The following CLASRP variants were observed in gnomAD, a reference collection of about 807,000 sequenced individuals.
CLASRP encodes the protein CLK4-associating serine/arginine rich protein.
Under a neutral mutation model 99.9 loss-of-function variants are expected in CLASRP, and 52 were observed. The observed-to-expected ratio is 0.52, with a 90% CI of 0.42 to 0.66. CLASRP has a LOEUF of 0.66. CLASRP is among the 30% of genes least tolerant of loss of function. CLASRP has a pLI of 0.00. For missense variants in CLASRP, 848 were observed against 999.2 expected, an observed-to-expected ratio of 0.85 and a Z score of 2.04; for synonymous variants, 379 against 373.0, an observed-to-expected ratio of 1.02 and a Z score of -0.18.
chr19:45,042,782 A>G (rs1315129200), intron 2 of CLASRP, among the ~76,000 whole-genome samples: 2 of 151,970 alleles, frequency 1.3e-5, no homozygotes, highest in African/African-American at 4.8e-5. Context: ...ATGCCTGGCT[A>G]ATTTTTGCAC....
Position 45,064,358 on chromosome 19 carries a change from C to T in CLASRP, c.1137C>T (p.Ser379=), listed in dbSNP as rs768273425. 30 of 1,532,630 alleles carry T rather than the reference C, an allele frequency of 2.0e-5. No homozygotes were observed. Among genetic ancestry groups the T allele is most frequent in the Non-Finnish European group, 2.5e-5 (29 of 1,144,140 alleles). The allele number at this position is 1,532,630 out of a possible 1,614,324, so 94.9% of individuals were successfully genotyped here. A position where few individuals can be genotyped will look rare whatever the true frequency, so the allele number is the denominator to read the frequency against. Residue 379 remains serine (S), a synonymous_variant, in exon 13 of 21, where the codon TCC becomes TCT. Coordinates refer to ENST00000221455, the MANE Select transcript of CLASRP (RefSeq NM_007056.3). The stretch of plus-strand genomic sequence containing the variant: ...CCGCCTGCAGCCGCCGCTCCTCCTC[C>T]TCCTCCTCCTCCTCTTCTGCCTCGA... The part of the protein sequence containing the change: ...RNASARRRSS[S]SSSSSSASRT...
At position 45,060,412 on chromosome 19, in the gene CLASRP, A is replaced by C. The variant is rs1185516303; in HGVS notation, c.734A>C (p.Glu245Ala). Residue 245 changes from glutamate to alanine, a missense_variant, in exon 9 of 21, where the codon GAG becomes GCG. By Grantham distance (107) the Glu-to-Ala change is moderately radical. Transcript: ENST00000221455. The surrounding 1 kb of genome is among the most constrained non-coding windows in gnomAD (Gnocchi z 4.6). ...AGGATGCTCCGGAAAGACAAGGAGGAGGCAGAGGCCATCAAGCATGCCAAG... is the reference window on the plus strand; with the variant it reads ...AGGATGCTCCGGAAAGACAAGGAGGCGGCAGAGGCCATCAAGCATGCCAAG... The part of the protein sequence containing the change: ...FVRMLRKDKE[E>A]AEAIKHAKAL... 6.2e-7 allele frequency: 1 copy of C among 1,614,088 alleles called. No individual in the cohort carries two copies. Among genetic ancestry groups the C allele is most frequent in the Admixed American group, 1.7e-5 (1 of 60,014 alleles).
chr19:45,058,904 C>T (rs1362281050), intron 7 of CLASRP, among the ~76,000 whole-genome samples: 3 of 151,996 alleles, frequency 2.0e-5, no homozygotes, highest in African/African-American at 7.3e-5. Context: ...CTCCCTCCCT[C>T]CATCCACCCA....
At chr19:45,052,255 G>C (rs1972038374) in intron 3 of CLASRP, 87 bp downstream of exon 3, 1 of 1,133,726 alleles carries the variant, frequency 8.8e-7, no homozygotes, top group African/African-American at 1.5e-5. Flanking sequence ...AGCAGAGACT[G>C]AAGTATGGAC....
At chr19:45,058,553 T>C (rs1398029554) in intron 7 of CLASRP, among the ~76,000 whole-genome samples, 1 of 152,214 alleles carries the variant, frequency 6.6e-6, no homozygotes, top group East Asian at 1.9e-4. Context: ...GCCCAGCTAA[T>C]TTTTGTACTT....
At chr19:45,056,337 C>A (rs994681517) in intron 5 of CLASRP, 113 bp from the exon 6 acceptor site, 12 of 834,946 alleles carry the variant, frequency 1.4e-5, no homozygotes, top group Admixed American at 1.1e-4. Flanking sequence ...GACTGCCCCC[C>A]AAGGTGCACT....
rs901454590 is a variant in CLASRP at position 45,067,394 on chromosome 19, C to T, written c.1467C>T (p.His489=). 1.3e-6 allele frequency: 2 copies of T among 1,534,364 alleles called. No homozygotes were observed. Among genetic ancestry groups the T allele is most frequent in the African/African-American group, 1.4e-5 (1 of 72,902 alleles). ...GGGGCGGCCGGGGCCTCAGGCACCA[C>T]AGCAGTAGCCGCAGCCGCAGCAGCT... is the stretch of plus-strand genomic sequence containing the variant. ...YRRGGRGLRH[H]SSSRSRSSWS... Residue 489 remains histidine, a synonymous_variant, in exon 14 of 21, where the codon CAC becomes CAT. Coordinates refer to ENST00000221455, the MANE Select transcript of CLASRP (RefSeq NM_007056.3). This position sits in a 1 kb window ranked among gnomAD's most constrained non-coding sequence, Gnocchi z 4.9.
chr19:45,068,990 A>C (rs1967166807), intron 16 of CLASRP, 76 bp from the exon 17 acceptor site: 1 of 211,664 alleles, frequency 4.7e-6, no homozygotes, highest in Admixed American at 6.4e-5. Flanking sequence ...ACTCTGTCTC[A>C]AAAAAAAAAA....
chr19:45,052,254 T>TGAAGTATGGACAGACC, intron 3 of CLASRP, 86 bp downstream of exon 3: 1 of 1,139,268 alleles, frequency 8.8e-7, no homozygotes, highest in South Asian at 1.3e-5. Context: ...GAGCAGAGAC[T>TGAAGTATGGACAGACC]GAAGTATGGA....
At chr19:45,046,057 A>G (rs1180014649) in intron 2 of CLASRP, among the ~76,000 whole-genome samples, 1 of 152,154 alleles carries the variant, frequency 6.6e-6, no homozygotes. Flanking sequence ...GGCCTGTACA[A>G]GCGGCCTTTG....
At chr19:45,063,273 C>G (rs904313907) in intron 11 of CLASRP, among the ~76,000 whole-genome samples, 6 of 151,366 alleles carry the variant, frequency 4.0e-5, no homozygotes, top group Non-Finnish European at 8.8e-5. Flanking sequence ...TTCCAAAGTG[C>G]TGGGATTACA....
chr19:45,069,960 G>C, intron 18 of CLASRP, 62 bp from the exon 19 acceptor site: 1 of 916,258 alleles, frequency 1.1e-6, no homozygotes, highest in East Asian at 2.4e-5. Context: ...GGAAGCACCT[G>C]CCCTCCCTGA....
chr19:45,039,543 C>G (rs1023388014), intron 1 of CLASRP: 1 of 152,624 alleles, frequency 6.6e-6, no homozygotes, highest in African/African-American at 2.4e-5. Context: ...GGATGCTCTC[C>G]CCACCCCGCC....
At chr19:45,070,216 C>T (rs894775038) in intron 19 of CLASRP, 112 bp downstream of exon 19, 18 of 749,122 alleles carry the variant, frequency 2.4e-5, no homozygotes, top group Non-Finnish European at 3.6e-5. Context: ...CCTGTAATCC[C>T]AGCACTTTGG....
chr19:45,065,016 TGGGAAACCCCTTGCGGA>T (rs1967051564), intron 13 of CLASRP, among the ~76,000 whole-genome samples: 2 of 151,294 alleles, frequency 1.3e-5, no homozygotes, highest in South Asian at 4.2e-4. Flanking sequence ...CCTTGAGGGC[TGGGAAACCCCTTGCGGA>T]GGGGGAGGGG....
In CLASRP at chr19:45,068,489, TG is replaced by T. The variant is rs1222616637; in HGVS notation, c.1768+10del. 4 of 1,601,500 alleles carry T rather than the reference TG, an allele frequency of 2.5e-6. No individual in the cohort carries two copies. In the Admixed American group the frequency reaches 6.7e-5, roughly 27 times the overall value. ...GGCGCTGAACAGGCAGTGTATGTTC[TG>T]CCCTGTCCCTCCAGGGTTTCACAGC... On this transcript the variant is annotated intron_variant, in intron 16 of 20. Transcript: ENST00000221455.
intron 2 of CLASRP, among the ~76,000 whole-genome samples, chr19:45,044,731 G>A (rs1435549342): frequency 6.6e-6 from 1 of 152,054 alleles, no homozygotes; most frequent in Non-Finnish European, 1.5e-5. Context: ...CACTGCACTG[G>A]AACCTGGGTG....
In CLASRP at chr19:45,064,157, G is replaced by T. The variant is rs1309971225; in HGVS notation, c.1051G>T (p.Val351Phe). ...CGCTGCTGCCGCAGCAGCATCAGGA[G>T]TCACCACAGGGAAGCCCCCCGCACC... ...AAAAAAAASG[V>F]TTGKPPAPPQ... The change falls in exon 12 of 21, where the codon GTC becomes TTC. Residue 351 changes from valine to phenylalanine, a missense_variant. Transcript: ENST00000221455. 3.1e-6 allele frequency: 5 copies of T among 1,611,254 alleles called. No homozygotes were observed. Among genetic ancestry groups the T allele is most frequent in the Non-Finnish European group, 4.2e-6 (5 of 1,179,494 alleles).
rs1333919867 is a variant in CLASRP, at chr19:45,060,650, C to T, written c.863+23C>T. The T allele has an allele frequency of 6.5e-7, 1 of 1,543,782 alleles. No individual in the cohort carries two copies. The highest frequency in any genetic ancestry group is 8.8e-7 in the Non-Finnish European group (1 of 1,140,418). On this transcript the variant is annotated intron_variant, in intron 10 of 20. Coordinates refer to ENST00000221455, the MANE Select transcript of CLASRP (RefSeq NM_007056.3). This position sits in a 1 kb window ranked among gnomAD's most constrained non-coding sequence, Gnocchi z 4.6. Reference sequence around the variant, plus strand: ...CAGGTAGGGCTTCTCCCTGAACCCCCACCCTGCTGGCATCTGGGGGAGGAG... The same window carrying T: ...CAGGTAGGGCTTCTCCCTGAACCCCTACCCTGCTGGCATCTGGGGGAGGAG...
Sources: gnomAD v4.1 joint callset for allele counts (sites outside exome capture counted in the v4.1 genomes callset) on GRCh38, gnomAD v4.1.1 for gene constraint, Gnocchi (gnomAD v3.1) non-coding constraint, MANE v1.5 for transcripts, NCBI Gene and HGNC (gene_info 2026-07-23, HGNC 2026-07-21) for gene names.